The following KIAA0753 variants were observed in gnomAD, a reference collection of about 807,000 sequenced individuals.
KIAA0753 encodes KIAA0753.
A neutral mutation model predicts 116.9 loss-of-function variants in KIAA0753; 114 were observed. The ratio of observed to expected loss-of-function variants is 0.98; its 90% CI spans 0.84 to 1.14. The LOEUF (loss-of-function observed/expected upper bound fraction) is 1.14. KIAA0753 is among the 50% of genes most tolerant of loss of function. The pLI is 0.00. For missense variants in KIAA0753, 1,156 were observed against 1,172.4 expected (o/e 0.99, Z 0.20); for synonymous variants, 405 against 413.1 (o/e 0.98, Z 0.24).
chr17:6,606,846 T>C (rs746914490), intron 12 of KIAA0753, 27 bp downstream of exon 12: 3 of 1,590,940 alleles, frequency 1.9e-6, no homozygotes, highest in Non-Finnish European at 2.6e-6. Context: ...AAACATCCAC[T>C]ATTCTTCCTA....
At position 6,596,272 on chromosome 17, in the gene KIAA0753, C is replaced by CTG; in HGVS notation, c.2243_2244insCA (p.Glu748AspfsTer6). 1 of 1,613,590 alleles carries CTG rather than the reference C, an allele frequency of 6.2e-7. No individual in the cohort carries two copies. Among genetic ancestry groups the CTG allele is most frequent in the Non-Finnish European group, 8.5e-7 (1 of 1,179,772 alleles). ...TCTTAGCATGAGTCACAGCCCAGAG[C>CTG]TCACTGGCACAATCTTCCAAAAAAT... is the stretch of plus-strand genomic sequence containing the variant. On this transcript the variant is annotated frameshift_variant, in exon 15 of 19. Coordinates refer to ENST00000361413, the MANE Select transcript of KIAA0753 (RefSeq NM_014804.3). LOFTEE classifies it high-confidence loss of function.
At chr17:6,614,145 T>C (rs531833816) in intron 7 of KIAA0753, among the ~76,000 whole-genome samples, 1 of 152,324 alleles carries the variant, frequency 6.6e-6, no homozygotes, top group East Asian at 1.9e-4. Context: ...GAGATATCAT[T>C]TTAAATCCAT....
chr17:6,581,364 A>C (rs116790850), intron 18 of KIAA0753, among the ~76,000 whole-genome samples: 1,953 of 152,260 alleles, frequency 0.013, 31 homozygotes, highest in African/African-American at 0.044. Flanking sequence ...ATGCCACAGA[A>C]GGATAGTGTG....
rs113514368 is a variant in KIAA0753 at position 6,602,805 on chromosome 17, T to C, written c.2010-2347A>G. Among the ~76,000 whole-genome samples, 191 of 152,252 alleles carry C rather than the reference T, an allele frequency of 1.3e-3. 1 individual carries two copies. Among genetic ancestry groups the C allele is most frequent in the African/African-American group, 4.3e-3 (178 of 41,554 alleles). ...CGATAGAAACAATTATTTAGAAAAC[T>C]AAAATACTAATTCCAACCCACATAC... On this transcript the variant is annotated intron_variant, in intron 12 of 18. Coordinates refer to ENST00000361413, the MANE Select transcript of KIAA0753 (RefSeq NM_014804.3).
At chr17:6,591,101 GAA>G (rs1373832558) in intron 16 of KIAA0753, among the ~76,000 whole-genome samples, 3 of 141,660 alleles carry the variant, frequency 2.1e-5, no homozygotes, top group East Asian at 2.0e-4. Context: ...AGAAGAAGAA[GAA>G]GAAGAAAACA....
chr17:6,595,325 C>T (rs1969387800), intron 15 of KIAA0753, among the ~76,000 whole-genome samples: 1 of 152,176 alleles, frequency 6.6e-6, no homozygotes, highest in South Asian at 2.1e-4. Context: ...AATACAGTAG[C>T]CACTAACTAC....
intron 3 of KIAA0753, among the ~76,000 whole-genome samples, chr17:6,626,393 A>T (rs1186164860): frequency 6.6e-6 from 1 of 152,242 alleles, no homozygotes. Flanking sequence ...GAAAGCAAAA[A>T]TCTGAAGTCA....
intron 18 of KIAA0753, among the ~76,000 whole-genome samples, chr17:6,580,667 A>G (rs1421859131): frequency 5.3e-5 from 8 of 152,190 alleles, no homozygotes; most frequent in African/African-American, 1.7e-4. Flanking sequence ...TCTCCTAGAC[A>G]GAAGGATGGT....
intron 18 of KIAA0753, among the ~76,000 whole-genome samples, chr17:6,587,859 G>A (rs1173391980): frequency 2.0e-5 from 3 of 152,210 alleles, no homozygotes; most frequent in Non-Finnish European, 4.4e-5. Flanking sequence ...ACACACGTGA[G>A]TGAGAAATGC....
At chr17:6,622,415 A>G (rs966193902) in intron 6 of KIAA0753, among the ~76,000 whole-genome samples, 1 of 152,242 alleles carries the variant, frequency 6.6e-6, no homozygotes, top group Non-Finnish European at 1.5e-5. Context: ...TGTCTAATAC[A>G]TGCCAGCTGT....
intron 12 of KIAA0753, among the ~76,000 whole-genome samples, chr17:6,604,173 A>G (rs573420327): frequency 6.6e-5 from 10 of 152,364 alleles, no homozygotes; most frequent in African/African-American, 2.4e-4. Flanking sequence ...TTATGTTCAC[A>G]CAAATACTTC....
chr17:6,623,529 T>C lies in KIAA0753; in HGVS notation c.868A>G (p.Lys290Glu), dbSNP rs1221162360. 6.2e-7 allele frequency: 1 copy of C among 1,609,042 alleles called. No individual in the cohort carries two copies. Among genetic ancestry groups the C allele is most frequent in the Non-Finnish European group, 8.5e-7 (1 of 1,176,952 alleles). The change falls in exon 5 of 19, where the codon AAA becomes GAA. Residue 290 changes from lysine (K) to glutamate (E), a missense_variant. Transcript: ENST00000361413. ...QEELDKLSPHKIKHTKKSWAM... is the reference protein window; with the variant it reads ...QEELDKLSPHEIKHTKKSWAM... ...CATACCTTCTTAGTGTGTTTAATTTTATGTGGACTCAATTTATCCAATTCT... is the reference window on the plus strand; with the variant it reads ...CATACCTTCTTAGTGTGTTTAATTTCATGTGGACTCAATTTATCCAATTCT...
intron 18 of KIAA0753, among the ~76,000 whole-genome samples, chr17:6,583,634 T>C (rs1368640086): frequency 5.9e-5 from 9 of 152,238 alleles, no homozygotes; most frequent in African/African-American, 1.4e-4. Context: ...TAATTTGCTA[T>C]TGAGCCCAAC....
chr17:6,622,945 A>G lies in KIAA0753; in HGVS notation c.1041T>C (p.Ser347=), dbSNP rs546110727. The G allele has an allele frequency of 1.1e-5, 18 of 1,614,216 alleles. No individual in the cohort carries two copies. Among genetic ancestry groups the G allele is most frequent in the Non-Finnish European group, 1.5e-5 (18 of 1,180,020 alleles). ...GSLIRQLSLC[S]VKLDADPSVP... ...CAGAAGGGTCTGCATCCAGCTTGAC[A>G]GAACAAAGTGAAAGCTGGCGAATAA... Residue 347 remains serine, a synonymous_variant, in exon 6 of 19, where the codon TCT becomes TCC. Transcript: ENST00000361413.
chr17:6,589,884 C>G lies in KIAA0753; in HGVS notation c.2681G>C (p.Gly894Ala), dbSNP rs775979070. The part of the protein sequence containing the change: ...EGRAPLFVPP[G>A]MQHSIGDYCS... ...GTAGTCACCGATGCTGTGCTGCATA[C>G]CCGGTGGGACAAAGAGGGGAGCTCG... Residue 894 changes from glycine (G) to alanine (A), a missense_variant, in exon 18 of 19, where the codon GGT becomes GCT. Gly to Ala is a moderately conservative substitution (Grantham distance 60, BLOSUM62 0). Transcript: ENST00000361413. 2 of 1,613,908 alleles carry G rather than the reference C, an allele frequency of 1.2e-6. No homozygotes were observed. The highest frequency in any genetic ancestry group is 1.7e-6 in the Non-Finnish European group (2 of 1,179,880).
chr17:6,590,362 G>T, intron 17 of KIAA0753, 148 bp downstream of exon 17: 2 of 840,964 alleles, frequency 2.4e-6, no homozygotes, highest in East Asian at 2.5e-5. Flanking sequence ...TTGTAAACAT[G>T]CTATTTACTC....
chr17:6,579,718 G>T lies in KIAA0753; in HGVS notation c.*29C>A. 1 of 1,491,180 alleles carries T rather than the reference G, an allele frequency of 6.7e-7. No individual in the cohort carries two copies. The highest frequency in any genetic ancestry group is 1.1e-5 in the South Asian group (1 of 88,484). 92.4% of individuals were successfully genotyped at this position (1,491,180 alleles called of 1,614,324 possible). A position where few individuals can be genotyped will look rare whatever the true frequency, so the allele number is the denominator to read the frequency against. On this transcript the variant is annotated 3_prime_UTR_variant, in exon 19 of 19. Coordinates refer to ENST00000361413, the MANE Select transcript of KIAA0753 (RefSeq NM_014804.3). ...GGTGGTGCCATCCCTTCTCCAGTGT[G>T]ACACAAATGGCCTCGCCTCAGAGAG...
At chr17:6,586,677 T>A (rs1432535379) in intron 18 of KIAA0753, among the ~76,000 whole-genome samples, 1 of 152,252 alleles carries the variant, frequency 6.6e-6, no homozygotes. Context: ...CAGGAATTCT[T>A]AAGAGTTTGC....
intron 14 of KIAA0753, among the ~76,000 whole-genome samples, chr17:6,597,209 C>G (rs532298370): frequency 6.6e-6 from 1 of 151,966 alleles, no homozygotes; most frequent in Non-Finnish European, 1.5e-5. Context: ...GTTACAGCTA[C>G]GGCAATTTAA....
Sources: gnomAD v4.1 joint callset for allele counts (sites outside exome capture counted in the v4.1 genomes callset) on GRCh38, gnomAD v4.1.1 for gene constraint, MANE v1.5 for transcripts, NCBI Gene and HGNC (gene_info 2026-07-23, HGNC 2026-07-21) for gene names.